Variants in PALM2AKAP2 observed in about 807,000 individuals in gnomAD.
PALM2AKAP2 encodes the protein PALM2 and AKAP2 fusion.
A neutral mutation model predicts 71.5 loss-of-function variants in PALM2AKAP2; 37 were observed. That is an observed-to-expected ratio of 0.52 (90% CI 0.40 to 0.68). The LOEUF (loss-of-function observed/expected upper bound fraction) is 0.68. Among genes scored for constraint, PALM2AKAP2 ranks in the 30% least tolerant of loss-of-function variants. PALM2AKAP2 has a pLI of 0.00. For synonymous variants in PALM2AKAP2, 468 were observed against 478.8 expected (o/e 0.98, Z 0.29); for missense variants, 1,224 against 1,191.8 (o/e 1.03, Z -0.40).
chr9:110,130,253 A>G (rs959040129), intron 1 of PALM2AKAP2, among the ~76,000 whole-genome samples: 10 of 152,250 alleles, frequency 6.6e-5, no homozygotes, highest in African/African-American at 2.2e-4. Context: ...GGGAGATATT[A>G]TTAGTCCTGC....
chr9:110,072,871 C>T (rs1417310728), intron 1 of PALM2AKAP2, among the ~76,000 whole-genome samples: 2 of 152,192 alleles, frequency 1.3e-5, no homozygotes, highest in Admixed American at 6.5e-5. Context: ...TTCCTCTGGC[C>T]TACCTAGCCT....
At chr9:109,972,786 A>G (rs1245880818) in intron 6 of PALM2AKAP2, among the ~76,000 whole-genome samples, 1 of 152,186 alleles carries the variant, frequency 6.6e-6, no homozygotes, top group African/African-American at 2.4e-5. Context: ...GCCCCTGGGT[A>G]CCACGTGACT....
intron 1 of PALM2AKAP2, among the ~76,000 whole-genome samples, chr9:110,108,277 A>C (rs1835165026): frequency 6.6e-6 from 1 of 151,760 alleles, no homozygotes; most frequent in Admixed American, 6.6e-5. Context: ...ACGCCCAGCT[A>C]ATTTTTGTAT....
chr9:110,047,652 C>G (rs1833624784), upstream of PALM2AKAP2, among the ~76,000 whole-genome samples: 1 of 152,084 alleles, frequency 6.6e-6, no homozygotes, highest in South Asian at 2.1e-4. Flanking sequence ...GAAAATCGTG[C>G]CTAGGGCAAA....
At chr9:110,104,776 A>G (rs1835076072) in intron 1 of PALM2AKAP2, among the ~76,000 whole-genome samples, 2 of 152,230 alleles carry the variant, frequency 1.3e-5, no homozygotes. Context: ...CTTGAATTCT[A>G]CTTTGTGTAA....
intron 1 of PALM2AKAP2, among the ~76,000 whole-genome samples, chr9:109,693,123 AT>A (rs1216789763): frequency 1.1e-4 from 16 of 151,970 alleles, no homozygotes; most frequent in Non-Finnish European, 2.1e-4. Flanking sequence ...CTTTGTGAGA[AT>A]GTTTCCAATG....
chr9:109,807,496 T>C (rs1827609741), intron 1 of PALM2AKAP2, among the ~76,000 whole-genome samples: 2 of 151,770 alleles, frequency 1.3e-5, no homozygotes, highest in South Asian at 2.1e-4. Context: ...TCCTGGTTCA[T>C]AGATGGAACC....
chr9:110,027,946 A>G (rs532474185), intron 7 of PALM2AKAP2, among the ~76,000 whole-genome samples: 91 of 152,304 alleles, frequency 6.0e-4, no homozygotes, highest in African/African-American at 2.1e-3. Flanking sequence ...TGGGACAGAA[A>G]ACCTTTCTAC....
At position 109,925,132 on chromosome 9, in the gene PALM2AKAP2, C is replaced by T. The variant is rs200078297; in HGVS notation, c.394+50C>T. 5.3e-4 allele frequency: 855 copies of T among 1,612,560 alleles called. 9 individuals carry two copies. In the East Asian group the frequency reaches 8.9e-3, roughly 17 times the overall value. On this transcript the variant is annotated intron_variant, in intron 5 of 9. Transcript: ENST00000302798. The stretch of plus-strand genomic sequence containing the variant: ...AGATGAATGTTTTAATCCTGGTCAG[C>T]TTAGGGGGTTTCATTAACAGGGGCT...
chr9:109,948,837 A>AT (rs1216676085), intron 6 of PALM2AKAP2, among the ~76,000 whole-genome samples: 6 of 152,224 alleles, frequency 3.9e-5, no homozygotes, highest in African/African-American at 1.4e-4. Context: ...TATGGTATAT[A>AT]TGTTTACAGA....
intron 1 of PALM2AKAP2, among the ~76,000 whole-genome samples, chr9:110,075,603 T>C (rs1346269936): frequency 4.6e-5 from 7 of 152,120 alleles, no homozygotes; most frequent in Admixed American, 2.0e-4. Flanking sequence ...TTCTTTCTTT[T>C]TTTTTAACCT....
At chr9:110,082,703 T>C (rs528241849) in intron 1 of PALM2AKAP2, among the ~76,000 whole-genome samples, 3 of 152,240 alleles carry the variant, frequency 2.0e-5, no homozygotes, top group Non-Finnish European at 4.4e-5. Context: ...GTAAAATGTA[T>C]GCAACATAAA....
chr9:109,818,546 A>G (rs1346143712), intron 1 of PALM2AKAP2, among the ~76,000 whole-genome samples: 1 of 152,240 alleles, frequency 6.6e-6, no homozygotes, highest in African/African-American at 2.4e-5. Context: ...TAAGAAGGTA[A>G]AAAACATAAA....
At chr9:110,160,228 T>C (rs766339591) in intron 3 of PALM2AKAP2, among the ~76,000 whole-genome samples, 1 of 152,242 alleles carries the variant, frequency 6.6e-6, no homozygotes, top group Non-Finnish European at 1.5e-5. Flanking sequence ...TGGGCTTTAG[T>C]ACCATTCATC....
chr9:109,943,020 G>C, intron 6 of PALM2AKAP2: 1 of 1,614,194 alleles, frequency 6.2e-7, no homozygotes, highest in Non-Finnish European at 8.5e-7. Context: ...AGTTAGAAAT[G>C]GTACATAAGT....
At chr9:109,808,578 A>G (rs1157613538) in intron 1 of PALM2AKAP2, among the ~76,000 whole-genome samples, 1 of 152,258 alleles carries the variant, frequency 6.6e-6, no homozygotes, top group Non-Finnish European at 1.5e-5. Flanking sequence ...AGCAGAGCAT[A>G]AAAGTTCAAA....
intron 1 of PALM2AKAP2, among the ~76,000 whole-genome samples, chr9:110,121,058 C>T (rs139508968): frequency 6.6e-6 from 1 of 152,252 alleles, no homozygotes; most frequent in East Asian, 1.9e-4. Flanking sequence ...GCCCTGAGCA[C>T]CAGAGAAGCA....
chr9:109,911,940 T>A (rs1830578367), intron 3 of PALM2AKAP2, among the ~76,000 whole-genome samples: 1 of 152,156 alleles, frequency 6.6e-6, no homozygotes, highest in Non-Finnish European at 1.5e-5. Context: ...CTGTGGAGAA[T>A]CAGAATGAAT....
intron 1 of PALM2AKAP2, among the ~76,000 whole-genome samples, chr9:109,770,189 A>G: frequency 6.8e-6 from 1 of 146,216 alleles, no homozygotes; most frequent in Non-Finnish European, 1.5e-5. Flanking sequence ...ACCCAAAAGG[A>G]GCTTCTGGGT....
Sources: allele counts gnomAD v4.1 joint callset (sites outside exome capture counted in the v4.1 genomes callset), GRCh38; gene constraint gnomAD v4.1.1; transcripts MANE v1.5; gene names NCBI Gene and HGNC (gene_info 2026-07-23, HGNC 2026-07-21).